Variants in TMEM132D observed in about 807,000 individuals in gnomAD.
TMEM132D encodes transmembrane protein 132D.
Under a neutral mutation model 62.3 loss-of-function variants are expected in TMEM132D, and 21 were observed. The observed-to-expected ratio is 0.34, with a 90% CI of 0.24 to 0.49. The LOEUF (loss-of-function observed/expected upper bound fraction) is 0.49, where lower values mean the gene tolerates loss of function less well. Ranked by LOEUF, TMEM132D falls within the 20% of genes least tolerant of loss-of-function variation. The probability of loss-of-function intolerance (pLI) is 0.99; values close to 1 mark genes in which losing one functional copy is unlikely to be tolerated. For missense variants in TMEM132D, 1,346 were observed against 1,402.8 expected (o/e 0.96, Z 0.65); for synonymous variants, 621 against 575.6 (o/e 1.08, Z -1.13).
At chr12:129,120,940 T>C (rs1156453751) in intron 5 of TMEM132D, among the ~76,000 whole-genome samples, 3 of 152,022 alleles carry the variant, frequency 2.0e-5, no homozygotes, top group Non-Finnish European at 4.4e-5. Flanking sequence ...CAATAAGGCT[T>C]CTGTGGTAGG....
At chr12:129,145,857 G>A (rs1235022623) in intron 5 of TMEM132D, among the ~76,000 whole-genome samples, 2 of 152,060 alleles carry the variant, frequency 1.3e-5, no homozygotes, top group Non-Finnish European at 2.9e-5. Flanking sequence ...ACAGTCATGG[G>A]TTCTTAGCCA....
intron 1 of TMEM132D, among the ~76,000 whole-genome samples, chr12:129,882,325 T>C (rs1874622564): frequency 6.6e-6 from 1 of 152,114 alleles, no homozygotes; most frequent in Non-Finnish European, 1.5e-5. Flanking sequence ...AAAAGAAAAC[T>C]ACAGCAAATT....
At chr12:129,232,568 C>T (rs75416500) in intron 4 of TMEM132D, among the ~76,000 whole-genome samples, 2,401 of 152,186 alleles carry the variant, frequency 0.016, 63 homozygotes, top group African/African-American at 0.055. Context: ...CCTCATAGCT[C>T]AAATGTCTTC....
At chr12:129,407,100 T>G (rs555794038) in intron 3 of TMEM132D, among the ~76,000 whole-genome samples, 2 of 152,354 alleles carry the variant, frequency 1.3e-5, no homozygotes, top group African/African-American at 2.4e-5. Flanking sequence ...AAAGAAATTT[T>G]TAAAGCTTTG....
intron 4 of TMEM132D, among the ~76,000 whole-genome samples, chr12:129,281,806 G>A (rs1881160426): frequency 6.6e-6 from 1 of 152,088 alleles, no homozygotes; most frequent in Non-Finnish European, 1.5e-5. Flanking sequence ...TGTTTCTCCT[G>A]GTATTACCTG....
intron 3 of TMEM132D, among the ~76,000 whole-genome samples, chr12:129,372,127 A>T (rs1455788102): frequency 6.6e-6 from 1 of 152,226 alleles, no homozygotes; most frequent in East Asian, 1.9e-4. Context: ...GCAACCTCCA[A>T]TCCAAAGCTG....
In TMEM132D at chr12:129,203,974, T is replaced by C. The variant is rs1878775922; in HGVS notation, c.1443+5546A>G. Among the ~76,000 whole-genome samples, 2 of 152,160 alleles carry C rather than the reference T, an allele frequency of 1.3e-5. 1 individual carries two copies. The highest frequency in any genetic ancestry group is 4.1e-4 in the South Asian group (2 of 4,826). On this transcript the variant is annotated intron_variant, in intron 5 of 8. Coordinates refer to ENST00000422113, the MANE Select transcript of TMEM132D (RefSeq NM_133448.3). ...TTGAAGCCAGTCAACCGAACCCACC[T>C]TATGCCATAATCAAACCCCCTAGAA...
At chr12:129,148,669 G>C (rs1593276955) in intron 5 of TMEM132D, among the ~76,000 whole-genome samples, 1 of 152,184 alleles carries the variant, frequency 6.6e-6, no homozygotes, top group African/African-American at 2.4e-5. Flanking sequence ...TTTTAAAAAA[G>C]CCAGCCTGTG....
chr12:129,238,135 G>T (rs973279475), intron 4 of TMEM132D, among the ~76,000 whole-genome samples: 1 of 152,010 alleles, frequency 6.6e-6, no homozygotes, highest in South Asian at 2.1e-4. Context: ...TGTGGGTTTT[G>T]CCCTCCTGAT....
At chr12:129,293,860 C>T (rs991549604) in intron 4 of TMEM132D, among the ~76,000 whole-genome samples, 2 of 152,138 alleles carry the variant, frequency 1.3e-5, no homozygotes, top group Non-Finnish European at 2.9e-5. Context: ...TGCTGTGTGG[C>T]CCGGTTCCTA....
chr12:129,745,361 C>T (rs116656588), intron 1 of TMEM132D, among the ~76,000 whole-genome samples: 1,665 of 152,242 alleles, frequency 0.011, 29 homozygotes, highest in African/African-American at 0.038. Flanking sequence ...CCCGCAAATG[C>T]GGATGTGGTC....
At chr12:129,601,795 C>T (rs138296300) in intron 2 of TMEM132D, among the ~76,000 whole-genome samples, 7 of 152,168 alleles carry the variant, frequency 4.6e-5, no homozygotes, top group East Asian at 1.9e-4. Context: ...TGAAATATCA[C>T]GGATCACAGA....
chr12:129,566,608 A>G (rs569903666), intron 2 of TMEM132D, among the ~76,000 whole-genome samples: 8 of 152,254 alleles, frequency 5.3e-5, no homozygotes, highest in African/African-American at 1.9e-4. Context: ...TTTACCCACT[A>G]ATATATTTCT....
chr12:129,262,782 T>G (rs1880584699), intron 4 of TMEM132D: 1 of 151,486 alleles, frequency 6.6e-6, no homozygotes, highest in African/African-American at 2.4e-5. Context: ...AGAAGGAGAG[T>G]GGTGTGGTCA....
intron 1 of TMEM132D, among the ~76,000 whole-genome samples, chr12:129,818,032 G>A (rs1377678683): frequency 6.7e-6 from 1 of 148,150 alleles, no homozygotes; most frequent in Non-Finnish European, 1.5e-5. Flanking sequence ...TATGTGGTGT[G>A]GGGTGTGTGT....
At chr12:129,569,953 G>A (rs1018593381) in intron 2 of TMEM132D, among the ~76,000 whole-genome samples, 1 of 152,188 alleles carries the variant, frequency 6.6e-6, no homozygotes, top group Admixed American at 6.5e-5. Flanking sequence ...AGAACAGTGG[G>A]TGTGTGATTT....
At chr12:129,465,008 G>GA (rs139238573) in intron 3 of TMEM132D, among the ~76,000 whole-genome samples, 145,590 of 149,532 alleles carry the variant, frequency 0.97, 71,003 homozygotes, top group East Asian at 1. Context: ...ATTCTGTGAA[G>GA]AAGGCATTGG....
At chr12:129,461,681 T>C (rs1566076717) in intron 3 of TMEM132D, among the ~76,000 whole-genome samples, 1 of 131,670 alleles carries the variant, frequency 7.6e-6, no homozygotes, top group Non-Finnish European at 1.5e-5. Flanking sequence ...AACCAAGTGA[T>C]AGGTGATTGA....
At chr12:129,712,967 G>A (rs1481755517) in intron 1 of TMEM132D, among the ~76,000 whole-genome samples, 1 of 152,114 alleles carries the variant, frequency 6.6e-6, no homozygotes. Context: ...GGATGCTTAC[G>A]TGAGAGAAGG....
Sources: allele counts gnomAD v4.1 joint callset (sites outside exome capture counted in the v4.1 genomes callset), GRCh38; gene constraint gnomAD v4.1.1; transcripts MANE v1.5; gene names NCBI Gene and HGNC (gene_info 2026-07-23, HGNC 2026-07-21).